The following BRWD3 variants were observed in gnomAD, a reference collection of about 807,000 sequenced individuals.
The protein encoded by BRWD3 is bromodomain and WD repeat domain containing 3, also known as bromodomain and WD repeat-containing protein 3.
BRWD3 carries 10 observed loss-of-function variants against 149.7 expected under a neutral mutation model. The observed-to-expected ratio is 0.07, with a 90% CI of 0.04 to 0.11. The LOEUF (loss-of-function observed/expected upper bound fraction) is 0.11, where lower values mean the gene tolerates loss of function less well. BRWD3 is among the 10% of genes least tolerant of loss of function. BRWD3 has a pLI of 1.00. For synonymous variants in BRWD3, 504 were observed against 456.7 expected (o/e 1.10, Z -1.32); for missense variants, 940 against 1,373.2 (o/e 0.68, Z 4.99).
intron 4 of BRWD3, among the ~76,000 whole-genome samples, chrX:80,800,723 T>G (rs1021901872): frequency 9.1e-6 from 1 of 110,249 alleles, no homozygotes; most frequent in Non-Finnish European, 1.9e-5. Flanking sequence ...TTGCTGAATT[T>G]GAAAGAGAAG....
At chrX:80,729,214 T>C (rs925530125) in intron 13 of BRWD3, among the ~76,000 whole-genome samples, 4 of 111,665 alleles carry the variant, frequency 3.6e-5, no homozygotes, top group Non-Finnish European at 7.6e-5. Flanking sequence ...CTTATATTGG[T>C]TGTCAGAAAA....
chrX:80,696,888 T>G (rs2147701971), intron 25 of BRWD3, 25 bp from the exon 26 acceptor site: 1 of 1,116,058 alleles, frequency 9.0e-7, no homozygotes, highest in South Asian at 1.9e-5. Context: ...ACCAATAAAT[T>G]ATTACTTTCA....
At chrX:80,743,196 G>T (rs1376226601) in intron 8 of BRWD3, among the ~76,000 whole-genome samples, 1 of 111,955 alleles carries the variant, frequency 8.9e-6, no homozygotes, top group African/African-American at 3.2e-5. Flanking sequence ...GCGGGATTAT[G>T]TTTATTGATT....
chrX:80,766,692 T>A (rs1354747560), intron 6 of BRWD3, among the ~76,000 whole-genome samples: 1 of 111,763 alleles, frequency 8.9e-6, no homozygotes, highest in Non-Finnish European at 1.9e-5. Context: ...CCCAGCGTGA[T>A]CGATGCAGAA....
chrX:80,671,594 G>C lies in BRWD3; in HGVS notation c.*5015C>G, dbSNP rs2072323493. ...TATTGTAAACATCCCATAAAGAATG[G>C]CAACAAATTAGTCCAGTTTTTTTGT... On this transcript the variant is annotated 3_prime_UTR_variant, in exon 41 of 41. Transcript: ENST00000373275. The C allele has an allele frequency of 8.9e-6, 1 of 111,820 alleles. No individual in the cohort carries two copies. The highest frequency in any genetic ancestry group is 3.2e-5 in the African/African-American group (1 of 30,803). The allele number at this position is 111,820 out of a possible 1,213,427, so 9.2% of individuals were successfully genotyped here.
At chrX:80,739,201 C>T (rs2073449135) in intron 8 of BRWD3, among the ~76,000 whole-genome samples, 1 of 111,468 alleles carries the variant, frequency 9.0e-6, no homozygotes, top group African/African-American at 3.3e-5. Context: ...GTAGAACCAA[C>T]ATGATTTGCT....
At chrX:80,807,476 C>A (rs1473479377) in intron 4 of BRWD3, among the ~76,000 whole-genome samples, 1 of 111,819 alleles carries the variant, frequency 8.9e-6, no homozygotes, top group Non-Finnish European at 1.9e-5. Context: ...TCATACACCG[C>A]CAACTTTCTT....
intron 14 of BRWD3, among the ~76,000 whole-genome samples, chrX:80,728,036 CATGATAT>C (rs1345058896): frequency 8.9e-6 from 1 of 111,759 alleles, no homozygotes; most frequent in Non-Finnish European, 1.9e-5. Context: ...ACATAAACAC[CATGATAT>C]AGTATAAAGA....
intron 6 of BRWD3, among the ~76,000 whole-genome samples, chrX:80,785,953 C>A (rs368605172): frequency 9.8e-5 from 11 of 112,063 alleles, no homozygotes; most frequent in African/African-American, 3.6e-4. Flanking sequence ...TCACTTGAAC[C>A]CAGAAGCGGG....
chrX:80,690,226 A>G, intron 31 of BRWD3, 134 bp from the exon 32 acceptor site: 1 of 619,844 alleles, frequency 1.6e-6, no homozygotes, highest in Non-Finnish European at 2.5e-6. Context: ...AACTCAATAT[A>G]TTTGACTGAT....
chrX:80,802,577 A>G (rs187669364), intron 4 of BRWD3, among the ~76,000 whole-genome samples: 4 of 110,292 alleles, frequency 3.6e-5, no homozygotes, highest in Non-Finnish European at 7.6e-5. Flanking sequence ...TCTCTATCCT[A>G]ATTTTAAAAT....
chrX:80,771,800 G>A (rs1001285307), intron 6 of BRWD3, among the ~76,000 whole-genome samples: 5 of 111,457 alleles, frequency 4.5e-5, no homozygotes, highest in Admixed American at 9.5e-5. Context: ...ATCAAAAAGC[G>A]GGCAAAGGAT....
Position 80,704,723 on chromosome X carries a change from C to G in BRWD3, c.2676G>C (p.Lys892Asn), listed in dbSNP as rs758162677. The change falls in exon 23 of 41, where the codon AAG becomes AAC. Residue 892 changes from lysine (K) to asparagine (N), a missense_variant. Lys to Asn is a moderately conservative substitution (Grantham distance 94, BLOSUM62 0). This residue lies in a region of BRWD3 where 158 missense variants were observed against 284.0 expected (regional missense o/e 0.56). Coordinates refer to ENST00000373275, the MANE Select transcript of BRWD3 (RefSeq NM_153252.5). The part of the protein sequence containing the change: ...ICSSSDEENL[K>N]SLEERQKKPK... ...GTTTCTTCTGCCTTTCTTCTAGGGA[C>G]TTCAAATTTTCCTCATCAGAGCTGC... is the stretch of plus-strand genomic sequence containing the variant. 5.8e-6 allele frequency: 7 copies of G among 1,211,395 alleles called. No homozygotes were observed. The highest frequency in any genetic ancestry group is 7.8e-6 in the Non-Finnish European group (7 of 895,169).
At chrX:80,691,777 C>T in intron 30 of BRWD3, 46 bp downstream of exon 30, 1 of 1,201,721 alleles carries the variant, frequency 8.3e-7, no homozygotes, top group Non-Finnish European at 1.1e-6. Flanking sequence ...TGCTGATTTT[C>T]CTAGCTCTCT....
intron 13 of BRWD3, among the ~76,000 whole-genome samples, 199 bp from the exon 14 acceptor site, chrX:80,729,104 AG>A (rs1216035233): frequency 9.0e-6 from 1 of 111,704 alleles, no homozygotes; most frequent in Non-Finnish European, 1.9e-5. Context: ...TATTTCAGGG[AG>A]AAAAAAAGAC....
chrX:80,794,634 T>A (rs181585318), intron 4 of BRWD3, among the ~76,000 whole-genome samples: 1,432 of 110,955 alleles, frequency 0.013, 32 homozygotes, highest in African/African-American at 0.045. Flanking sequence ...ATTTAATAAT[T>A]GACCAAATTT....
In BRWD3 at chrX:80,703,511, C is replaced by T; in HGVS notation, c.2804G>A (p.Arg935His). 4 of 1,205,711 alleles carry T rather than the reference C, an allele frequency of 3.3e-6. No homozygotes were observed. Among genetic ancestry groups the T allele is most frequent in the East Asian group, 3.0e-5 (1 of 33,708 alleles). ...TCCCATTTGTGGGACAAATGGGGAACGTCGGGGTATAGTATCCAAGATCCA... is the reference window on the plus strand; with the variant it reads ...TCCCATTTGTGGGACAAATGGGGAATGTCGGGGTATAGTATCCAAGATCCA... ...PQWILDTIPR[R>H]SPFVPQMGDE... The change falls in exon 24 of 41, where the codon CGT becomes CAT. Residue 935 changes from arginine (R) to histidine (H), a missense_variant. Coordinates refer to ENST00000373275, the MANE Select transcript of BRWD3 (RefSeq NM_153252.5).
At chrX:80,796,921 C>G (rs1357848266) in intron 4 of BRWD3, among the ~76,000 whole-genome samples, 1 of 111,332 alleles carries the variant, frequency 9.0e-6, no homozygotes, top group Non-Finnish European at 1.9e-5. Flanking sequence ...TGCCTGTAAT[C>G]CCAGTACTTT....
At position 80,709,939 on chromosome X, in the gene BRWD3, G is replaced by A; in HGVS notation, c.2326-362C>T. 6.6e-6 allele frequency: 6 copies of A among 915,097 alleles called. No homozygotes were observed. The South Asian group carries it at 1.2e-4, about 18-fold the overall frequency. The allele number at this position is 915,097 out of a possible 1,213,427, so 75.4% of individuals were successfully genotyped here. Reference sequence around the variant, plus strand: ...GTGCTGGAACCACATTTAGAAACCAGTATGACAATGATATCATTGTCTGGA... The same window carrying A: ...GTGCTGGAACCACATTTAGAAACCAATATGACAATGATATCATTGTCTGGA... On this transcript the variant is annotated intron_variant, in intron 20 of 40. Coordinates refer to ENST00000373275, the MANE Select transcript of BRWD3 (RefSeq NM_153252.5).
Sources: allele counts gnomAD v4.1 joint callset (sites outside exome capture counted in the v4.1 genomes callset), GRCh38; gene constraint gnomAD v4.1.1; regional missense constraint gnomAD v4.1.1; transcripts MANE v1.5; gene names NCBI Gene and HGNC (gene_info 2026-07-23, HGNC 2026-07-21).